Variants in LRRC49 observed in about 807,000 individuals in gnomAD.
The protein encoded by LRRC49 is leucine-rich repeat-containing protein 49.
In LRRC49, 50 loss-of-function variants were observed where a neutral mutation model predicts 83.3. The observed-to-expected ratio is 0.60, with a 90% CI of 0.48 to 0.76. LRRC49 has a LOEUF of 0.76. Ranked by LOEUF, LRRC49 falls within the 30% of genes least tolerant of loss-of-function variation. The pLI, the probability that LRRC49 is intolerant of heterozygous loss-of-function variation, is 0.00. For missense variants in LRRC49, 704 were observed against 809.1 expected (o/e 0.87, Z 1.58); for synonymous variants, 286 against 283.3 (o/e 1.01, Z -0.10).
intron 1 of LRRC49, among the ~76,000 whole-genome samples, chr15:70,871,193 A>C (rs1049166516): frequency 6.6e-6 from 1 of 151,918 alleles, no homozygotes; most frequent in Non-Finnish European, 1.5e-5. Context: ...TGTTTAACAA[A>C]GCACATCTTG....
At chr15:70,917,951 C>T (rs1226215523) in intron 6 of LRRC49, among the ~76,000 whole-genome samples, 1 of 152,214 alleles carries the variant, frequency 6.6e-6, no homozygotes, top group Non-Finnish European at 1.5e-5. Context: ...TGTGGCCCTT[C>T]AGGTCACCTA....
intron 7 of LRRC49, among the ~76,000 whole-genome samples, chr15:70,930,307 A>G (rs1371209965): frequency 2.6e-5 from 4 of 152,308 alleles, no homozygotes; most frequent in African/African-American, 9.6e-5. Flanking sequence ...TGCATTGTTA[A>G]TAAGCAGTAA....
intron 11 of LRRC49, among the ~76,000 whole-genome samples, chr15:70,985,347 T>C (rs1362028724): frequency 3.9e-5 from 6 of 151,904 alleles, no homozygotes; most frequent in African/African-American, 1.2e-4. Context: ...TGGTATCTCA[T>C]TGTGGTTTTG....
intron 11 of LRRC49, among the ~76,000 whole-genome samples, chr15:70,998,622 G>T (rs781701770): frequency 2.0e-5 from 3 of 151,722 alleles, no homozygotes; most frequent in Non-Finnish European, 4.4e-5. Flanking sequence ...CTTTATTTTT[G>T]TCTTTCAGTA....
intron 5 of LRRC49, among the ~76,000 whole-genome samples, chr15:70,905,161 C>A (rs1384558837): frequency 6.6e-6 from 1 of 152,132 alleles, no homozygotes; most frequent in Non-Finnish European, 1.5e-5. Context: ...CAAATTGATT[C>A]TTTTTCAGAC....
intron 8 of LRRC49, among the ~76,000 whole-genome samples, chr15:70,960,011 A>T (rs2036551409): frequency 6.6e-6 from 1 of 152,258 alleles, no homozygotes; most frequent in South Asian, 2.1e-4. Flanking sequence ...ATATTGGATG[A>T]GTTCCAATTT....
At chr15:71,012,360 C>G (rs930906837) in intron 13 of LRRC49, among the ~76,000 whole-genome samples, 10 of 151,966 alleles carry the variant, frequency 6.6e-5, no homozygotes, top group Non-Finnish European at 1.0e-4. Flanking sequence ...CAGGAAGGGA[C>G]AAAATTATCC....
At chr15:70,858,622 A>G (rs938698478) in intron 1 of LRRC49, 2 of 526,260 alleles carry the variant, frequency 3.8e-6, no homozygotes, top group East Asian at 3.0e-5. Context: ...ACAAAACAAA[A>G]CAAACAAAAA....
chr15:70,935,380 C>T (rs2035559783), intron 7 of LRRC49, among the ~76,000 whole-genome samples: 2 of 152,144 alleles, frequency 1.3e-5, no homozygotes, highest in Admixed American at 6.5e-5. Flanking sequence ...TTCCTTTGCT[C>T]CCTGAAAAAC....
At chr15:71,011,605 G>A (rs937548459) in intron 13 of LRRC49, among the ~76,000 whole-genome samples, 2 of 152,074 alleles carry the variant, frequency 1.3e-5, no homozygotes, top group African/African-American at 2.4e-5. Context: ...TTACTTCTCT[G>A]TGTATAAAAA....
At chr15:70,884,868 T>A (rs995680307) in intron 2 of LRRC49, among the ~76,000 whole-genome samples, 2 of 152,198 alleles carry the variant, frequency 1.3e-5, no homozygotes, top group African/African-American at 4.8e-5. Context: ...AAATTAGTCA[T>A]AATCTCACAA....
intron 2 of LRRC49, 81 bp downstream of exon 2, chr15:70,893,721 T>C: frequency 9.0e-6 from 10 of 1,109,898 alleles, no homozygotes; most frequent in Non-Finnish European, 1.3e-5. Flanking sequence ...AAAGTGTAGA[T>C]AGATTCTAAA....
At chr15:71,049,030 A>G (rs946751702) in intron 15 of LRRC49, among the ~76,000 whole-genome samples, 1 of 152,200 alleles carries the variant, frequency 6.6e-6, no homozygotes, top group Admixed American at 6.5e-5. Flanking sequence ...TGAAATTGTC[A>G]CTATCTGTAT....
intron 12 of LRRC49, among the ~76,000 whole-genome samples, chr15:71,009,414 G>A (rs1030232515): frequency 1.3e-5 from 2 of 151,938 alleles, no homozygotes; most frequent in Middle Eastern, 3.4e-3. Context: ...GTGGGGGCCT[G>A]TATTTATAAA....
At chr15:71,031,135 G>A (rs1197710919) in intron 14 of LRRC49, among the ~76,000 whole-genome samples, 2 of 152,090 alleles carry the variant, frequency 1.3e-5, no homozygotes, top group East Asian at 3.9e-4. Flanking sequence ...TCATCTTTGT[G>A]GATTTATCTA....
At chr15:71,035,363 A>G (rs376350295) in intron 14 of LRRC49, among the ~76,000 whole-genome samples, 13 of 151,754 alleles carry the variant, frequency 8.6e-5, no homozygotes, top group East Asian at 7.8e-4. Context: ...ATTTTTTTTT[A>G]TACTTTAAGT....
At chr15:70,928,247 A>G (rs1428515522) in intron 7 of LRRC49, among the ~76,000 whole-genome samples, 1 of 152,192 alleles carries the variant, frequency 6.6e-6, no homozygotes, top group Non-Finnish European at 1.5e-5. Flanking sequence ...TATAGTAAGT[A>G]GAGATATTCT....
At chr15:71,020,127 A>T (rs1050793541) in intron 14 of LRRC49, among the ~76,000 whole-genome samples, 2 of 152,162 alleles carry the variant, frequency 1.3e-5, no homozygotes, top group Non-Finnish European at 2.9e-5. Flanking sequence ...GATCCAGAAG[A>T]CCTGAAAGGA....
chr15:70,968,198 T>C (rs2036861289), intron 9 of LRRC49, among the ~76,000 whole-genome samples: 1 of 152,122 alleles, frequency 6.6e-6, no homozygotes, highest in African/African-American at 2.4e-5. Context: ...CCATGTGTTC[T>C]CATTGTTAAA....
Sources: gnomAD v4.1 joint callset for allele counts (sites outside exome capture counted in the v4.1 genomes callset) on GRCh38, gnomAD v4.1.1 for gene constraint, MANE v1.5 for transcripts, NCBI Gene and HGNC (gene_info 2026-07-23, HGNC 2026-07-21) for gene names.